PCGF5: variants seen among roughly 807,000 people sequenced by gnomAD.
PCGF5 encodes polycomb group ring finger 5.
Under a neutral mutation model 44.3 loss-of-function variants are expected in PCGF5, and 9 were observed. The observed-to-expected ratio is 0.20, with a 90% CI of 0.12 to 0.35. The LOEUF (loss-of-function observed/expected upper bound fraction) is 0.35, where lower values mean the gene tolerates loss of function less well. PCGF5 is among the 10% of genes least tolerant of loss of function. The probability of loss-of-function intolerance (pLI) is 1.00; values close to 1 mark genes in which losing one functional copy is unlikely to be tolerated. For synonymous variants in PCGF5, 95 were observed against 102.5 expected (o/e 0.93, Z 0.44); for missense variants, 146 against 305.3 (o/e 0.48, Z 3.89).
chr10:91,253,468 A>G (rs1044378649), intron 6 of PCGF5, among the ~76,000 whole-genome samples: 4 of 152,024 alleles, frequency 2.6e-5, no homozygotes, highest in Non-Finnish European at 5.9e-5. Flanking sequence ...AGACCAGTTG[A>G]GAGTTTCACT....
intron 1 of PCGF5, among the ~76,000 whole-genome samples, chr10:91,212,523 T>C (rs1844470711): frequency 6.6e-6 from 1 of 152,244 alleles, no homozygotes; most frequent in Admixed American, 6.5e-5. Flanking sequence ...GTTTGCTTTT[T>C]TTTCTTGATT....
At chr10:91,206,645 C>T (rs1359834464) in intron 1 of PCGF5, among the ~76,000 whole-genome samples, 1 of 152,106 alleles carries the variant, frequency 6.6e-6, no homozygotes, top group Non-Finnish European at 1.5e-5. Context: ...TGGTAGGAGG[C>T]AGCAGTCAGC....
intron 1 of PCGF5, among the ~76,000 whole-genome samples, 179 bp from the exon 2 acceptor site, chr10:91,222,510 T>G (rs889325698): frequency 6.6e-6 from 1 of 152,212 alleles, no homozygotes; most frequent in Non-Finnish European, 1.5e-5. Context: ...TGGATGAATT[T>G]GTCATTATTC....
intron 2 of PCGF5, chr10:91,227,450 C>T: frequency 7.8e-7 from 1 of 1,289,156 alleles, no homozygotes; most frequent in East Asian, 5.5e-5. Flanking sequence ...AAGAAATATG[C>T]TCCATGCTTG....
chr10:91,228,638 A>G (rs1012331031), intron 2 of PCGF5, among the ~76,000 whole-genome samples: 6 of 152,228 alleles, frequency 3.9e-5, no homozygotes, highest in Non-Finnish European at 8.8e-5. Flanking sequence ...AAGATGATAG[A>G]ATTTAAGTAT....
chr10:91,209,167 C>CT (rs145116406), intron 1 of PCGF5, among the ~76,000 whole-genome samples: 5,449 of 152,196 alleles, frequency 0.036, 302 homozygotes, highest in African/African-American at 0.12. Context: ...ATCATTAATC[C>CT]TTTTTTCTGA....
At chr10:91,163,740 C>G (rs1481412949) in intron 1 of PCGF5, among the ~76,000 whole-genome samples, 1 of 151,900 alleles carries the variant, frequency 6.6e-6, no homozygotes, top group East Asian at 2.0e-4. Context: ...GGTGGCCTTC[C>G]GCGAGTGGCA....
chr10:91,280,492 TC>T lies in PCGF5; in HGVS notation c.*2177del, dbSNP rs1402071327. The T allele has an allele frequency of 6.6e-6, 1 of 152,498 alleles. No homozygotes were observed. The highest frequency in any genetic ancestry group is 1.9e-4 in the East Asian group (1 of 5,204). 9.4% of individuals were successfully genotyped at this position (152,498 alleles called of 1,614,324 possible). A position where few individuals can be genotyped will look rare whatever the true frequency, so the allele number is the denominator to read the frequency against. ...AACTGAGAATAGTTTTATATAGAAT[TC>T]TTTTATTTACTGATAATGCATTAAC... On this transcript the variant is annotated 3_prime_UTR_variant, in exon 10 of 10. Transcript: ENST00000336126.
At chr10:91,188,695 C>G (rs781277716) in intron 1 of PCGF5, among the ~76,000 whole-genome samples, 2 of 152,122 alleles carry the variant, frequency 1.3e-5, no homozygotes, top group Non-Finnish European at 2.9e-5. Flanking sequence ...CCTCTTGCCC[C>G]TTAGGAATCT....
intron 1 of PCGF5, among the ~76,000 whole-genome samples, chr10:91,178,206 T>G (rs1843747386): frequency 6.6e-6 from 1 of 152,162 alleles, no homozygotes; most frequent in South Asian, 2.1e-4. Flanking sequence ...AATAAGTTAG[T>G]GTACAATAGG....
chr10:91,162,790 T>C (rs2133147841), upstream of PCGF5, among the ~76,000 whole-genome samples: 1 of 150,264 alleles, frequency 6.7e-6, no homozygotes, highest in East Asian at 2.0e-4. Flanking sequence ...GAGTGCGGGC[T>C]GTGCCCCGAG....
At chr10:91,218,475 A>C (rs959373583), upstream of PCGF5, among the ~76,000 whole-genome samples, 1 of 152,092 alleles carries the variant, frequency 6.6e-6, no homozygotes, top group Non-Finnish European at 1.5e-5. Flanking sequence ...AAGGGACTAG[A>C]CTAGGATAAG....
At chr10:91,180,884 A>G (rs1047730237) in intron 1 of PCGF5, among the ~76,000 whole-genome samples, 1 of 152,224 alleles carries the variant, frequency 6.6e-6, no homozygotes, top group African/African-American at 2.4e-5. Context: ...TAGTTCTGTG[A>G]AGAATGTCAA....
At chr10:91,215,824 C>T (rs1844529700), upstream of PCGF5, among the ~76,000 whole-genome samples, 1 of 152,232 alleles carries the variant, frequency 6.6e-6, no homozygotes. Flanking sequence ...TTCCATTTAA[C>T]ACTTTATTAA....
At chr10:91,264,823 C>T (rs1159145646) in intron 8 of PCGF5, among the ~76,000 whole-genome samples, 1 of 152,044 alleles carries the variant, frequency 6.6e-6, no homozygotes, top group East Asian at 1.9e-4. Flanking sequence ...GTTGTTGGAA[C>T]ATTTATGTAT....
intron 1 of PCGF5, among the ~76,000 whole-genome samples, chr10:91,221,304 C>G (rs1255839037): frequency 6.6e-6 from 1 of 152,338 alleles, no homozygotes; most frequent in Non-Finnish European, 1.5e-5. Flanking sequence ...TGCATTTCCT[C>G]TTCCAGAGGA....
intron 1 of PCGF5, among the ~76,000 whole-genome samples, chr10:91,190,442 C>T (rs1844010884): frequency 6.6e-6 from 1 of 152,156 alleles, no homozygotes; most frequent in African/African-American, 2.4e-5. Flanking sequence ...AGATAATCTG[C>T]CCCACCTCTC....
intron 1 of PCGF5, among the ~76,000 whole-genome samples, chr10:91,174,548 C>T (rs1843667871): frequency 1.3e-5 from 2 of 152,102 alleles, no homozygotes; most frequent in African/African-American, 4.8e-5. Context: ...TTATAATCTA[C>T]TGTAATAAAT....
chr10:91,264,252 A>C (rs941636338), intron 7 of PCGF5, among the ~76,000 whole-genome samples, 179 bp from the exon 8 acceptor site: 33 of 152,232 alleles, frequency 2.2e-4, no homozygotes, highest in African/African-American at 7.7e-4. Context: ...GCATAGTAAC[A>C]GTATATAAGT....
Sources: gnomAD v4.1 joint callset for allele counts (sites outside exome capture counted in the v4.1 genomes callset) on GRCh38, gnomAD v4.1.1 for gene constraint, MANE v1.5 for transcripts, NCBI Gene and HGNC (gene_info 2026-07-23, HGNC 2026-07-21) for gene names.